RNF17: variants seen among roughly 807,000 people sequenced by gnomAD.
RNF17 encodes spermatogenesis associated 23.
In RNF17, 31 loss-of-function variants were observed where a neutral mutation model predicts 200.5. The ratio of observed to expected loss-of-function variants is 0.15; its 90% CI spans 0.12 to 0.21. RNF17 has a LOEUF of 0.21. RNF17 is among the 10% of genes least tolerant of loss of function. The pLI, the probability that RNF17 is intolerant of heterozygous loss-of-function variation, is 1.00. For synonymous variants in RNF17, 606 were observed against 637.8 expected, an observed-to-expected ratio of 0.95 and a Z score of 0.75; for missense variants, 1,628 against 1,905.1, an observed-to-expected ratio of 0.85 and a Z score of 2.71.
rs773201804 is a variant in RNF17 at position 24,825,674 on chromosome 13, G to C, written c.2147G>C (p.Ser716Thr). Residue 716 changes from serine to threonine, a missense_variant, in exon 16 of 36, where the codon AGT becomes ACT. Physicochemically the swap from Ser to Thr is moderately conservative, Grantham distance 58. Coordinates refer to ENST00000255324, the MANE Select transcript of RNF17 (RefSeq NM_031277.3). ...LLKTIEEFYKSEDGENLEILC... is the reference protein window; with the variant it reads ...LLKTIEEFYKTEDGENLEILC... The stretch of plus-strand genomic sequence containing the variant: ...AAGACAATCGAGGAATTCTATAAAA[G>C]TGAAGATGGAGAAAATCTGGAAATC... 1.2e-5 allele frequency: 19 copies of C among 1,609,190 alleles called. No homozygotes were observed. The South Asian group carries it at 1.3e-4, about 11-fold the overall frequency.
chr13:24,827,730 A>AC (rs71077403), intron 16 of RNF17, among the ~76,000 whole-genome samples: 2 of 147,248 alleles, frequency 1.4e-5, no homozygotes, highest in Non-Finnish European at 3.0e-5. Context: ...AAAAAAAAAA[A>AC]ACAATAGAAA....
chr13:24,785,571 T>A lies in RNF17; in HGVS notation c.612-2417T>A, dbSNP rs150973723. Among the ~76,000 whole-genome samples the A allele has an allele frequency of 1.4e-4, 21 of 152,262 alleles. No homozygotes were observed. In the East Asian group the frequency reaches 2.7e-3, roughly 20 times the overall value. On this transcript the variant is annotated intron_variant, in intron 6 of 35. Coordinates refer to ENST00000255324, the MANE Select transcript of RNF17 (RefSeq NM_031277.3). The stretch of plus-strand genomic sequence containing the variant: ...CTTGAGAAAAATGTTTATCCTCATG[T>A]TGTTGGGTATAGTGTTCTAAATATG...
chr13:24,772,426 A>ATTTTTTT (rs34066913), intron 2 of RNF17, among the ~76,000 whole-genome samples: 45 of 105,986 alleles, frequency 4.2e-4, no homozygotes, highest in Non-Finnish European at 5.8e-4. Flanking sequence ...TTGAGTCTCC[A>ATTTTTTT]TTTTTTTTTT....
chr13:24,881,966 ATATATAGATACATC>A (rs760488166), downstream of RNF17, among the ~76,000 whole-genome samples: 2,227 of 7,226 alleles, frequency 0.31, 930 homozygotes, highest in African/African-American at 0.53. Flanking sequence ...ATACATCTAG[ATATATAGATACATC>A]TAGATATATA....
chr13:24,797,994 A>T (rs1038123848), intron 11 of RNF17, among the ~76,000 whole-genome samples: 1 of 152,154 alleles, frequency 6.6e-6, no homozygotes, highest in Non-Finnish European at 1.5e-5. Flanking sequence ...TGGTGCCAGG[A>T]GGTACTCCTT....
chr13:24,750,536 T>C, the RNF17 span: 2 of 152,294 alleles, frequency 1.3e-5, no homozygotes, highest in Non-Finnish European at 2.9e-5. Flanking sequence ...CTGTTCCAGA[T>C]GTTTCATGTA....
At chr13:24,792,794 C>T (rs1884036673) in intron 9 of RNF17, among the ~76,000 whole-genome samples, 1 of 152,068 alleles carries the variant, frequency 6.6e-6, no homozygotes, top group South Asian at 2.1e-4. Context: ...TTCATGAAAC[C>T]CAATCTTATC....
intron 15 of RNF17, among the ~76,000 whole-genome samples, chr13:24,804,755 C>T (rs938931464): frequency 2.0e-5 from 3 of 151,730 alleles, no homozygotes; most frequent in South Asian, 2.1e-4. Context: ...GAAAATTTAC[C>T]GATTATTATT....
At chr13:24,869,939 T>A (rs1447427695) in intron 31 of RNF17, among the ~76,000 whole-genome samples, 1 of 135,990 alleles carries the variant, frequency 7.4e-6, no homozygotes, top group Non-Finnish European at 1.6e-5. Flanking sequence ...AGCTAATTTT[T>A]TTTTTTTTTT....
chr13:24,757,321 CTT>C, the RNF17 span, among the ~76,000 whole-genome samples: 873 of 141,688 alleles, frequency 6.2e-3, 7 homozygotes, highest in Middle Eastern at 0.014. Context: ...GGACAATATT[CTT>C]TTTTTTTTTT....
chr13:24,814,003 G>A (rs1207470962), intron 15 of RNF17, among the ~76,000 whole-genome samples: 1 of 151,700 alleles, frequency 6.6e-6, no homozygotes, highest in Non-Finnish European at 1.5e-5. Flanking sequence ...ACTACTAATA[G>A]CCTACTGTTG....
At chr13:24,885,919 C>T in the RNF17 span, 1 of 509,314 alleles carries the variant, frequency 2.0e-6, no homozygotes. Context: ...GATGAAACAG[C>T]CTGACAGACC....
Position 24,843,825 on chromosome 13 carries a change from C to T in RNF17, c.2685C>T (p.His895=). The change falls in exon 20 of 36, where the codon CAC becomes CAT. Residue 895 remains histidine (H), a synonymous_variant. Coordinates refer to ENST00000255324, the MANE Select transcript of RNF17 (RefSeq NM_031277.3). ...AAGAAATTATTTCAAATGAAGTACA[C>T]AACTTAAATCCTGTGTCTGCAAAAT... ...SPEEIISNEV[H]NLNPVSAKSL... 6.2e-7 allele frequency: 1 copy of T among 1,610,522 alleles called. No homozygotes were observed. Among genetic ancestry groups the T allele is most frequent in the Non-Finnish European group, 8.5e-7 (1 of 1,177,646 alleles).
chr13:24,824,230 C>G (rs1888394824), intron 15 of RNF17: 1 of 713,226 alleles, frequency 1.4e-6, no homozygotes, highest in South Asian at 1.5e-5. Context: ...GAGACACTTT[C>G]TCATTTTTTC....
chr13:24,795,141 C>G (rs1179676578), intron 10 of RNF17, among the ~76,000 whole-genome samples: 1 of 152,062 alleles, frequency 6.6e-6, no homozygotes, highest in Non-Finnish European at 1.5e-5. Context: ...TTAAAATGAC[C>G]CATTTGTTCA....
intron 1 of RNF17, 128 bp downstream of exon 1, chr13:24,764,461 C>T (rs1049262323): frequency 2.4e-5 from 32 of 1,323,836 alleles, no homozygotes; most frequent in Non-Finnish European, 3.0e-5. Flanking sequence ...AACTGCGTCA[C>T]AGGCCTCCCG....
chr13:24,872,072 G>A (rs1280019247), intron 32 of RNF17, among the ~76,000 whole-genome samples: 7 of 141,280 alleles, frequency 5.0e-5, no homozygotes, highest in African/African-American at 1.8e-4. Context: ...GGGTTCAAAC[G>A]ATTCTTCTGC....
chr13:24,791,318 C>T (rs1883819441), intron 9 of RNF17, among the ~76,000 whole-genome samples: 1 of 152,082 alleles, frequency 6.6e-6, no homozygotes, highest in Admixed American at 6.6e-5. Context: ...ATTAATAAAA[C>T]TCAGTAATGC....
chr13:24,834,285 C>T (rs746138514), intron 18 of RNF17, among the ~76,000 whole-genome samples: 7 of 152,006 alleles, frequency 4.6e-5, no homozygotes, highest in African/African-American at 7.2e-5. Flanking sequence ...TATGGTGGCA[C>T]GCACCTGTTA....
Sources: allele counts gnomAD v4.1 joint callset (sites outside exome capture counted in the v4.1 genomes callset), GRCh38; gene constraint gnomAD v4.1.1; transcripts MANE v1.5; gene names NCBI Gene and HGNC (gene_info 2026-07-23, HGNC 2026-07-21).